Variants in RORA observed in about 807,000 individuals in gnomAD.
The protein encoded by RORA is nuclear receptor ROR-alpha.
Under a neutral mutation model 69.5 loss-of-function variants are expected in RORA, and 7 were observed. The observed-to-expected ratio is 0.10, with a 90% CI of 0.06 to 0.19. RORA has a LOEUF of 0.19. Among genes scored for constraint, RORA ranks in the 10% least tolerant of loss-of-function variants. The pLI is 1.00. For missense variants in RORA, 457 were observed against 663.0 expected (o/e 0.69, Z 3.41); for synonymous variants, 261 against 240.8 (o/e 1.08, Z -0.78).
rs199752865 is a variant in RORA, at chr15:61,167,482, ATTTTTTTTTTTTTTTTTT to A, written c.166+61553_166+61570del. ...AAAGGATGCAAATAATTTGACCAGG[ATTTTTTTTTTTTTTTTTT>A]TTTTTTTTTTTTTTTTTTTTTTATG... On this transcript the variant is annotated intron_variant, in intron 1 of 10. Coordinates refer to ENST00000335670, the MANE Select transcript of RORA (RefSeq NM_134261.3). Among the ~76,000 whole-genome samples the A allele has an allele frequency of 5.5e-3, 741 of 133,682 alleles. 8 individuals are homozygous for A. The highest frequency in any genetic ancestry group is 0.026 in the South Asian group (104 of 3,986). The allele number at this position is 133,682 out of a possible 152,430, so 87.7% of individuals were successfully genotyped here.
At chr15:61,071,769 G>T (rs1212426354) in intron 1 of RORA, among the ~76,000 whole-genome samples, 1 of 151,596 alleles carries the variant, frequency 6.6e-6, no homozygotes, top group African/African-American at 2.4e-5. Context: ...TGAGATGAAG[G>T]TTACCAAAAG....
Position 61,060,312 on chromosome 15 carries a change from C to T in RORA, c.166+168741G>A, listed in dbSNP as rs530330123. 3.9e-5 allele frequency among the ~76,000 whole-genome samples: 6 copies of T among 152,274 alleles called. No individual in the cohort carries two copies. In the East Asian group the frequency reaches 9.7e-4, roughly 25 times the overall value. ...CCCTGGTACTTGGACATCTCTTTCC[C>T]GCGTTCCTCTTGGCTCTCCTTCCTT... On this transcript the variant is annotated intron_variant, in intron 1 of 10. Transcript: ENST00000335670.
chr15:60,613,790 G>A (rs340019), intron 2 of RORA, among the ~76,000 whole-genome samples: 94,840 of 146,838 alleles, frequency 0.65, 31,030 homozygotes, highest in African/African-American at 0.77. Context: ...GGTGTCAAAG[G>A]GAAAGACTTT....
chr15:60,736,450 A>G (rs2140843539), intron 1 of RORA, among the ~76,000 whole-genome samples: 1 of 152,346 alleles, frequency 6.6e-6, no homozygotes, highest in South Asian at 2.1e-4. Flanking sequence ...AAACCTTTGC[A>G]TAGGCCAGCA....
chr15:60,957,813 G>C lies in RORA; in HGVS notation c.166+271240C>G, dbSNP rs573072225. On this transcript the variant is annotated intron_variant, in intron 1 of 10. Transcript: ENST00000335670. Reference sequence around the variant, plus strand: ...AAAGAGTTAATTATCCTAGTGAACTGCTACATTTTCTTCTCAAATATAAAT... The same window carrying C: ...AAAGAGTTAATTATCCTAGTGAACTCCTACATTTTCTTCTCAAATATAAAT... 3.3e-5 allele frequency among the ~76,000 whole-genome samples: 5 copies of C among 152,300 alleles called. No homozygotes were observed. In the South Asian group the frequency reaches 8.3e-4, roughly 25 times the overall value.
At chr15:60,517,569 A>G (rs2066007019) in intron 3 of RORA, among the ~76,000 whole-genome samples, 1 of 152,168 alleles carries the variant, frequency 6.6e-6, no homozygotes, top group Non-Finnish European at 1.5e-5. Flanking sequence ...AGAATTCAAG[A>G]AAATATAAAT....
intron 1 of RORA, among the ~76,000 whole-genome samples, chr15:60,872,436 A>C (rs924185671): frequency 4.6e-5 from 7 of 152,186 alleles, no homozygotes; most frequent in African/African-American, 7.2e-5. Flanking sequence ...TGGAAGTGGG[A>C]CAGCAAGAGA....
chr15:61,176,665 T>G (rs138391219), intron 1 of RORA, among the ~76,000 whole-genome samples: 2 of 152,166 alleles, frequency 1.3e-5, no homozygotes, highest in Non-Finnish European at 2.9e-5. Flanking sequence ...CTAAGCCATA[T>G]GAACATGGGC....
intron 2 of RORA, among the ~76,000 whole-genome samples, chr15:60,599,179 A>G (rs1474951744): frequency 1.3e-5 from 2 of 152,260 alleles, no homozygotes; most frequent in Non-Finnish European, 2.9e-5. Flanking sequence ...TATTTGAGCT[A>G]GACCTTGAAG....
At chr15:61,045,410 A>G (rs1303633954) in intron 1 of RORA, among the ~76,000 whole-genome samples, 4 of 152,238 alleles carry the variant, frequency 2.6e-5, no homozygotes, top group Non-Finnish European at 1.5e-5. Context: ...TACCTGGGTT[A>G]TAAACAGACC....
At chr15:60,513,544 A>G (rs1406795787) in intron 4 of RORA, among the ~76,000 whole-genome samples, 2 of 152,212 alleles carry the variant, frequency 1.3e-5, no homozygotes, top group Non-Finnish European at 2.9e-5. Flanking sequence ...TAAACTTACA[A>G]ATTGATGAGA....
rs533771967 is a variant in RORA at position 60,587,201 on chromosome 15, C to T, written c.197-55350G>A. On this transcript the variant is annotated intron_variant, in intron 2 of 10. Coordinates refer to ENST00000335670, the MANE Select transcript of RORA (RefSeq NM_134261.3). ...TGGGGAAAATAATGCTTATATTTCA[C>T]TCATATCCTCTTAAAACAAGCAGAC... 5.9e-5 allele frequency among the ~76,000 whole-genome samples: 9 copies of T among 152,226 alleles called. No individual in the cohort carries two copies. The South Asian group carries it at 1.9e-3, about 32-fold the overall frequency.
At chr15:60,722,850 C>T (rs538771497) in intron 1 of RORA, among the ~76,000 whole-genome samples, 1 of 152,312 alleles carries the variant, frequency 6.6e-6, no homozygotes, top group East Asian at 1.9e-4. Context: ...ATTTCTCATC[C>T]TTCCCTCTCC....
intron 1 of RORA, among the ~76,000 whole-genome samples, chr15:61,044,427 C>G (rs1896929177): frequency 6.6e-6 from 1 of 152,156 alleles, no homozygotes; most frequent in African/African-American, 2.4e-5. Flanking sequence ...GGCTACCAGC[C>G]ACCTGTGGCC....
chr15:60,589,561 G>A (rs2068438556), intron 2 of RORA, among the ~76,000 whole-genome samples: 1 of 152,176 alleles, frequency 6.6e-6, no homozygotes, highest in African/African-American at 2.4e-5. Flanking sequence ...GTTATAGCTG[G>A]CTCTCTCCCT....
At chr15:60,622,403 G>A (rs1285264619) in intron 2 of RORA, among the ~76,000 whole-genome samples, 2 of 151,894 alleles carry the variant, frequency 1.3e-5, no homozygotes, top group Admixed American at 6.6e-5. Flanking sequence ...GCTTGAGCTC[G>A]GGAATTTGAG....
At chr15:60,907,204 G>A (rs1459571437) in intron 1 of RORA, among the ~76,000 whole-genome samples, 2 of 152,196 alleles carry the variant, frequency 1.3e-5, no homozygotes, top group Non-Finnish European at 2.9e-5. Flanking sequence ...GAGAGGTGAA[G>A]CAGCTTGTTC....
At chr15:60,945,207 T>C in intron 1 of RORA, among the ~76,000 whole-genome samples, 1 of 152,128 alleles carries the variant, frequency 6.6e-6, no homozygotes, top group Non-Finnish European at 1.5e-5. Flanking sequence ...CATGATCACA[T>C]AAACTGCACA....
intron 1 of RORA, among the ~76,000 whole-genome samples, chr15:60,928,688 C>T (rs772687009): frequency 3.9e-5 from 6 of 152,148 alleles, no homozygotes; most frequent in Non-Finnish European, 5.9e-5. Context: ...CTCAGAGAGA[C>T]AAAGTGACCG....
Sources: allele counts gnomAD v4.1 joint callset (sites outside exome capture counted in the v4.1 genomes callset), GRCh38; gene constraint gnomAD v4.1.1; transcripts MANE v1.5; gene names NCBI Gene and HGNC (gene_info 2026-07-23, HGNC 2026-07-21).